XKR4: variants seen among roughly 807,000 people sequenced by gnomAD.
XKR4 encodes XK-related protein 4.
In XKR4, 12 loss-of-function variants were observed where a neutral mutation model predicts 53.9. The ratio of observed to expected loss-of-function variants is 0.22; its 90% CI spans 0.14 to 0.36. XKR4 has a LOEUF of 0.36. XKR4 is among the 10% of genes least tolerant of loss of function. The pLI, the probability that XKR4 is intolerant of heterozygous loss-of-function variation, is 1.00. For synonymous variants in XKR4, 354 were observed against 362.4 expected, an observed-to-expected ratio of 0.98 and a Z score of 0.26; for missense variants, 799 against 859.5, an observed-to-expected ratio of 0.93 and a Z score of 0.88.
At chr8:55,390,480 T>C (rs1188551312) in intron 2 of XKR4, among the ~76,000 whole-genome samples, 1 of 152,234 alleles carries the variant, frequency 6.6e-6, no homozygotes, top group African/African-American at 2.4e-5. Context: ...TTGATTGTTT[T>C]TCTCTAACAT....
At chr8:55,398,612 ACTTCACCTCTCTGGAC>A (rs1354550690) in intron 2 of XKR4, among the ~76,000 whole-genome samples, 1 of 152,042 alleles carries the variant, frequency 6.6e-6, no homozygotes, top group Non-Finnish European at 1.5e-5. Context: ...TAGTTCAATC[ACTTCACCTCTCTGGAC>A]CTTCACCTTT....
chr8:55,413,959 T>C (rs1804809902), intron 2 of XKR4, among the ~76,000 whole-genome samples: 1 of 152,226 alleles, frequency 6.6e-6, no homozygotes. Context: ...GACTTTCAAA[T>C]GATATGTACC....
intron 2 of XKR4, among the ~76,000 whole-genome samples, chr8:55,476,192 T>G (rs940431334): frequency 6.6e-6 from 1 of 151,972 alleles, no homozygotes; most frequent in African/African-American, 2.4e-5. Flanking sequence ...ATAGAGTTAG[T>G]CTAAGGACCC....
At chr8:55,463,588 G>T (rs1249944236) in intron 2 of XKR4, among the ~76,000 whole-genome samples, 1 of 151,824 alleles carries the variant, frequency 6.6e-6, no homozygotes. Flanking sequence ...GAGCAAACAC[G>T]TTCAAAAGCT....
At chr8:55,480,045 A>AT (rs1563362581) in intron 2 of XKR4, among the ~76,000 whole-genome samples, 3 of 152,184 alleles carry the variant, frequency 2.0e-5, no homozygotes, top group Non-Finnish European at 4.4e-5. Flanking sequence ...TCCCTAACTC[A>AT]TTTTATGAGG....
At chr8:55,485,799 G>C (rs1467194432) in intron 2 of XKR4, among the ~76,000 whole-genome samples, 1 of 152,200 alleles carries the variant, frequency 6.6e-6, no homozygotes, top group Non-Finnish European at 1.5e-5. Flanking sequence ...CAGGAAAGGG[G>C]TTGGCTTCTG....
At chr8:55,443,750 G>C (rs937950182) in intron 2 of XKR4, among the ~76,000 whole-genome samples, 1 of 150,176 alleles carries the variant, frequency 6.7e-6, no homozygotes, top group Non-Finnish European at 1.5e-5. Flanking sequence ...CTGAGGCAAG[G>C]GAATCACTTG....
intron 2 of XKR4, 41 bp from the exon 3 acceptor site, chr8:55,523,240 A>C (rs1391063471): frequency 1.3e-6 from 2 of 1,519,532 alleles, no homozygotes; most frequent in Admixed American, 2.1e-5. Context: ...GCATTGCTGC[A>C]ACTGATTTCT....
At chr8:55,152,309 T>A (rs2129355829) in intron 1 of XKR4, among the ~76,000 whole-genome samples, 1 of 152,314 alleles carries the variant, frequency 6.6e-6, no homozygotes, top group Admixed American at 6.5e-5. Flanking sequence ...TAAAGTTAGA[T>A]GATAGATTCT....
chr8:55,422,204 C>T (rs777337538), intron 2 of XKR4, among the ~76,000 whole-genome samples: 1 of 152,188 alleles, frequency 6.6e-6, no homozygotes, highest in Non-Finnish European at 1.5e-5. Context: ...GGCAGATATT[C>T]ATCACCTACA....
chr8:55,360,049 G>A (rs1286982095), intron 2 of XKR4, among the ~76,000 whole-genome samples: 2 of 152,168 alleles, frequency 1.3e-5, no homozygotes, highest in Non-Finnish European at 2.9e-5. Context: ...ACTAGGTTCT[G>A]TTTCACTCCA....
chr8:55,226,020 GC>G (rs1817947455), intron 1 of XKR4, among the ~76,000 whole-genome samples: 2 of 152,186 alleles, frequency 1.3e-5, no homozygotes, highest in African/African-American at 4.8e-5. Flanking sequence ...TGACCAGGGT[GC>G]CCACTTTGCA....
chr8:55,293,474 T>C (rs1048336134), intron 1 of XKR4, among the ~76,000 whole-genome samples: 3 of 152,238 alleles, frequency 2.0e-5, no homozygotes, highest in Non-Finnish European at 4.4e-5. Context: ...AGTTCTTTTT[T>C]GAACATGATT....
At chr8:55,103,569 T>C (rs1816090346) in intron 1 of XKR4, among the ~76,000 whole-genome samples, 1 of 152,084 alleles carries the variant, frequency 6.6e-6, no homozygotes, top group Admixed American at 6.6e-5. Flanking sequence ...GGCTTCTTGC[T>C]CTTGGCATGC....
At chr8:55,504,187 T>TTGTTG (rs1554531645) in intron 2 of XKR4, among the ~76,000 whole-genome samples, 12 of 145,898 alleles carry the variant, frequency 8.2e-5, no homozygotes, top group African/African-American at 3.0e-4. Context: ...GTTGTTGTTG[T>TTGTTG]TTTTGTTTTG....
At chr8:55,497,794 G>A (rs1436668166) in intron 2 of XKR4, among the ~76,000 whole-genome samples, 1 of 152,190 alleles carries the variant, frequency 6.6e-6, no homozygotes, top group African/African-American at 2.4e-5. Context: ...ACAACAGCCT[G>A]GGATTCTTGT....
chr8:55,162,937 A>G (rs1817006296), intron 1 of XKR4, among the ~76,000 whole-genome samples: 1 of 152,228 alleles, frequency 6.6e-6, no homozygotes, highest in Admixed American at 6.5e-5. Context: ...TAAAAATATA[A>G]TAGCCTAAAG....
At chr8:55,480,880 T>C (rs1399208665) in intron 2 of XKR4, among the ~76,000 whole-genome samples, 1 of 152,006 alleles carries the variant, frequency 6.6e-6, no homozygotes, top group Non-Finnish European at 1.5e-5. Context: ...TACAAACCAC[T>C]GCTCTATGAA....
At chr8:55,183,969 A>G (rs962543932) in intron 1 of XKR4, among the ~76,000 whole-genome samples, 1 of 152,182 alleles carries the variant, frequency 6.6e-6, no homozygotes, top group African/African-American at 2.4e-5. Flanking sequence ...TGCCAGCTCC[A>G]TCAAGGATGC....
Sources: gnomAD v4.1 joint callset for allele counts (sites outside exome capture counted in the v4.1 genomes callset) on GRCh38, gnomAD v4.1.1 for gene constraint, MANE v1.5 for transcripts, NCBI Gene and HGNC (gene_info 2026-07-23, HGNC 2026-07-21) for gene names.